The following EBF2 variants were observed in gnomAD, a reference collection of about 807,000 sequenced individuals.
The protein encoded by EBF2 is transcription factor COE2.
A neutral mutation model predicts 72.8 loss-of-function variants in EBF2; 21 were observed. The observed-to-expected ratio is 0.29, with a 90% confidence interval of 0.20 to 0.42. The LOEUF is 0.42. Ranked by LOEUF, EBF2 falls within the 10% of genes least tolerant of loss-of-function variation. The probability of loss-of-function intolerance (pLI) is 1.00; values close to 1 mark genes in which losing one functional copy is unlikely to be tolerated. For synonymous variants in EBF2, 299 were observed against 274.2 expected, an observed-to-expected ratio of 1.09 and a Z score of -0.89; for missense variants, 637 against 731.2, an observed-to-expected ratio of 0.87 and a Z score of 1.49.
intron 6 of EBF2, among the ~76,000 whole-genome samples, chr8:25,939,965 A>T (rs1174678701): frequency 5.3e-5 from 8 of 152,156 alleles, no homozygotes; most frequent in Non-Finnish European, 1.0e-4. Context: ...ATGATAAAGA[A>T]CCCATTGTCA....
intron 6 of EBF2, among the ~76,000 whole-genome samples, chr8:26,010,204 C>G (rs544917364): frequency 6.6e-6 from 1 of 152,296 alleles, no homozygotes; most frequent in South Asian, 2.1e-4. Flanking sequence ...CATTTTTTCC[C>G]CCTTCTCATA....
intron 6 of EBF2, among the ~76,000 whole-genome samples, chr8:25,914,394 G>T (rs544460679): frequency 6.6e-6 from 1 of 152,340 alleles, no homozygotes; most frequent in East Asian, 1.9e-4. Context: ...AAGGTTAGCA[G>T]TGGGACCCAG....
chr8:25,931,089 C>A (rs1803472367), intron 6 of EBF2, among the ~76,000 whole-genome samples: 1 of 152,160 alleles, frequency 6.6e-6, no homozygotes, highest in South Asian at 2.1e-4. Context: ...CATTTCCCTG[C>A]CTCAGCCCAT....
intron 6 of EBF2, among the ~76,000 whole-genome samples, chr8:25,932,694 G>A (rs1803504645): frequency 6.6e-6 from 1 of 152,152 alleles, no homozygotes; most frequent in African/African-American, 2.4e-5. Flanking sequence ...GGTGGAACAG[G>A]TTTGCCGCTA....
Position 25,843,059 on chromosome 8 carries a change from A to C in EBF2, c.*1550T>G, listed in dbSNP as rs987006309. On this transcript the variant is annotated 3_prime_UTR_variant, in exon 16 of 16. Transcript: ENST00000520164. ...AGGATTACATAAGCTTTCAAGAATC[A>C]ACCACTGTTAGCAGCTAAGGCAAGG... is the stretch of plus-strand genomic sequence containing the variant. The C allele has an allele frequency of 2.0e-5, 3 of 152,138 alleles. No homozygotes were observed. The highest frequency in any genetic ancestry group is 7.2e-5 in the African/African-American group (3 of 41,444). The allele number at this position is 152,138 out of a possible 1,614,324, so 9.4% of individuals were successfully genotyped here. A position where few individuals can be genotyped will look rare whatever the true frequency, so the allele number is the denominator to read the frequency against.
chr8:25,876,466 T>C (rs540601161), intron 10 of EBF2, among the ~76,000 whole-genome samples: 132 of 152,238 alleles, frequency 8.7e-4, no homozygotes, highest in African/African-American at 3.1e-3. Context: ...AAATACACAT[T>C]CTCAGACCCT....
At chr8:25,877,063 C>T (rs986072875) in intron 10 of EBF2, among the ~76,000 whole-genome samples, 2 of 152,182 alleles carry the variant, frequency 1.3e-5, no homozygotes, top group African/African-American at 4.8e-5. Flanking sequence ...TGCTCATTTA[C>T]CCCCATGTCC....
intron 6 of EBF2, among the ~76,000 whole-genome samples, chr8:25,910,765 T>C (rs1803112119): frequency 6.6e-6 from 1 of 152,030 alleles, no homozygotes; most frequent in Non-Finnish European, 1.5e-5. Context: ...CCCCGTGCAC[T>C]CTGAGGACTT....
intron 6 of EBF2, among the ~76,000 whole-genome samples, chr8:25,934,612 A>AT (rs1429757411): frequency 3.3e-5 from 5 of 152,150 alleles, no homozygotes; most frequent in Non-Finnish European, 7.4e-5. Flanking sequence ...GTCCTGCTGC[A>AT]TAGGGCCCTA....
intron 6 of EBF2, among the ~76,000 whole-genome samples, chr8:25,919,635 T>G (rs1387109580): frequency 6.6e-6 from 1 of 152,240 alleles, no homozygotes; most frequent in African/African-American, 2.4e-5. Flanking sequence ...AAAAAAAATT[T>G]TTTTTTAAAC....
chr8:25,866,115 T>A (rs1345303967), intron 10 of EBF2, among the ~76,000 whole-genome samples: 2 of 152,034 alleles, frequency 1.3e-5, no homozygotes, highest in Admixed American at 1.3e-4. Flanking sequence ...TACTTAGGCC[T>A]GTACATTCAT....
At chr8:25,889,558 C>T (rs913370718) in intron 8 of EBF2, among the ~76,000 whole-genome samples, 194 bp downstream of exon 8, 3 of 151,914 alleles carry the variant, frequency 2.0e-5, no homozygotes, top group South Asian at 2.1e-4. Flanking sequence ...GGACTTGGCA[C>T]GGGCTGGTAG....
intron 2 of EBF2, chr8:26,041,297 CT>C: frequency 2.1e-6 from 1 of 471,074 alleles, no homozygotes; most frequent in Non-Finnish European, 3.9e-6. Flanking sequence ...CCAAAGCTGC[CT>C]TTAAACAGGC....
In EBF2 at chr8:25,844,644, C is replaced by T; in HGVS notation, c.1697-4G>A. 6.2e-7 allele frequency: 1 copy of T among 1,613,908 alleles called. No individual in the cohort carries two copies. The highest frequency in any genetic ancestry group is 2.2e-5 in the East Asian group (1 of 44,870). ...GGTACAACAAGTCCGGTCATGGCTGCAAGGAAAGAGTGGCACAGGAATGAG... is the reference window on the plus strand; with the variant it reads ...GGTACAACAAGTCCGGTCATGGCTGTAAGGAAAGAGTGGCACAGGAATGAG... On this transcript the variant is annotated splice_polypyrimidine_tract_variant and splice_region_variant and intron_variant, in intron 15 of 15. Transcript: ENST00000520164.
chr8:25,872,679 A>AAAC (rs113792737), intron 10 of EBF2, among the ~76,000 whole-genome samples: 5,369 of 151,362 alleles, frequency 0.035, 202 homozygotes, highest in Admixed American at 0.099. Flanking sequence ...GTAAGAAAGC[A>AAAC]AACAACAACA....
At chr8:25,917,437 T>A (rs566045861) in intron 6 of EBF2, among the ~76,000 whole-genome samples, 1 of 152,284 alleles carries the variant, frequency 6.6e-6, no homozygotes, top group South Asian at 2.1e-4. Flanking sequence ...TCACAAAATG[T>A]CTTTGGAGGG....
At chr8:26,013,657 A>T (rs1388328129) in intron 6 of EBF2, among the ~76,000 whole-genome samples, 2 of 151,972 alleles carry the variant, frequency 1.3e-5, no homozygotes, top group African/African-American at 4.8e-5. Flanking sequence ...TGGCTTTCTG[A>T]TCCACACTAC....
At chr8:26,034,636 G>A (rs1273833210) in intron 5 of EBF2, among the ~76,000 whole-genome samples, 1 of 152,174 alleles carries the variant, frequency 6.6e-6, no homozygotes, top group South Asian at 2.1e-4. Context: ...CTGCCTATCA[G>A]GGCTACAGAC....
intron 7 of EBF2, among the ~76,000 whole-genome samples, chr8:25,902,754 G>A (rs1802976224): frequency 6.6e-6 from 1 of 152,168 alleles, no homozygotes; most frequent in Admixed American, 6.5e-5. Flanking sequence ...AGCTCCATTT[G>A]GAAGAGTCAG....
Sources: allele counts gnomAD v4.1 joint callset (sites outside exome capture counted in the v4.1 genomes callset), GRCh38; gene constraint gnomAD v4.1.1; transcripts MANE v1.5; gene names NCBI Gene and HGNC (gene_info 2026-07-23, HGNC 2026-07-21).